ZNF221: variants seen among roughly 807,000 people sequenced by gnomAD.
ZNF221 encodes the protein zinc finger protein 221.
A neutral mutation model predicts 12.6 loss-of-function variants in ZNF221; 10 were observed. The observed-to-expected ratio is 0.79, with a 90% confidence interval of 0.49 to 1.34. ZNF221 has a LOEUF of 1.34. Ranked by LOEUF, ZNF221 falls within the 40% of genes most tolerant of loss-of-function variation. The probability of loss-of-function intolerance (pLI) is 0.00; values close to 1 mark genes in which losing one functional copy is unlikely to be tolerated. For synonymous variants in ZNF221, 232 were observed against 244.0 expected (o/e 0.95, Z 0.46); for missense variants, 661 against 721.4 (o/e 0.92, Z 0.96).
chr19:43,974,528 G>A, the ZNF221 span, among the ~76,000 whole-genome samples: 3 of 151,912 alleles, frequency 2.0e-5, no homozygotes, highest in Non-Finnish European at 2.9e-5. Context: ...GAGCCTACAA[G>A]GAACTTAAAC....
Position 43,967,538 on chromosome 19 carries a change from G to A in ZNF221, c.*182G>A. The stretch of plus-strand genomic sequence containing the variant: ...CTTTCACCCAGGCCTGACTGCAGTG[G>A]CGCTATCTCAGCTCACTGCAAGCTC... On this transcript the variant is annotated 3_prime_UTR_variant, in exon 5 of 5. Transcript: ENST00000587682. 1 of 557,432 alleles carries A rather than the reference G, an allele frequency of 1.8e-6. No homozygotes were observed. The highest frequency in any genetic ancestry group is 3.1e-6 in the Non-Finnish European group (1 of 320,742). The allele number at this position is 557,432 out of a possible 1,614,324, so 34.5% of individuals were successfully genotyped here.
the ZNF221 span, among the ~76,000 whole-genome samples, chr19:43,981,209 AG>A: frequency 6.6e-6 from 1 of 152,266 alleles, no homozygotes; most frequent in African/African-American, 2.4e-5. Context: ...TTAAAAAACA[AG>A]AAATATAAAT....
downstream of ZNF221, among the ~76,000 whole-genome samples, chr19:43,970,652 G>A (rs1358889575): frequency 2.0e-5 from 3 of 152,130 alleles, no homozygotes; most frequent in East Asian, 5.8e-4. Flanking sequence ...AGACCAAGAG[G>A]AGGAAAGAGA....
the ZNF221 span, among the ~76,000 whole-genome samples, chr19:43,976,544 A>T: frequency 1.1e-4 from 17 of 152,140 alleles, no homozygotes; most frequent in South Asian, 2.1e-4. Context: ...CTAAAAAAAA[A>T]TTCCTAATAA....
In ZNF221 at chr19:43,967,492, T is replaced by C; in HGVS notation, c.*136T>C. ...ACATAGATCATATCTTTTTTTTTTT[T>C]TTTTGAGACAGAGTCTCACTCTTTC... On this transcript the variant is annotated 3_prime_UTR_variant, in exon 5 of 5. Transcript: ENST00000587682. 1 of 730,392 alleles carries C rather than the reference T, an allele frequency of 1.4e-6. No homozygotes were observed. The highest frequency in any genetic ancestry group is 2.0e-5 in the South Asian group (1 of 50,276). 45.2% of individuals were successfully genotyped at this position (730,392 alleles called of 1,614,324 possible). A position where few individuals can be genotyped will look rare whatever the true frequency, so the allele number is the denominator to read the frequency against.
At chr19:43,961,244 C>G (rs960146183) in intron 1 of ZNF221, among the ~76,000 whole-genome samples, 1 of 152,252 alleles carries the variant, frequency 6.6e-6, no homozygotes, top group African/African-American at 2.4e-5. Flanking sequence ...CAGCACCTGC[C>G]TCTTCATATG....
At chr19:43,955,325 C>A (rs1974738178) in intron 1 of ZNF221, among the ~76,000 whole-genome samples, 1 of 152,152 alleles carries the variant, frequency 6.6e-6, no homozygotes, top group African/African-American at 2.4e-5. Flanking sequence ...GAACAGTTTT[C>A]ATCTGCATTT....
chr19:43,953,254 A>C (rs1974703406), intron 1 of ZNF221, among the ~76,000 whole-genome samples: 1 of 140,406 alleles, frequency 7.1e-6, no homozygotes, highest in South Asian at 2.1e-4. Context: ...CCCAGTCATT[A>C]AGCTTTTTTT....
chr19:43,979,397 C>G, the ZNF221 span, among the ~76,000 whole-genome samples: 13 of 145,744 alleles, frequency 8.9e-5, no homozygotes, highest in Non-Finnish European at 1.6e-4. Context: ...ACTACAGTCC[C>G]TAGTTATTTA....
chr19:43,953,475 G>A (rs559695538), intron 1 of ZNF221, among the ~76,000 whole-genome samples: 13 of 152,146 alleles, frequency 8.5e-5, no homozygotes, highest in African/African-American at 3.1e-4. Context: ...GCATAGACAC[G>A]ATTGATTAAA....
At chr19:43,970,112 T>C (rs1975064997), downstream of ZNF221, among the ~76,000 whole-genome samples, 1 of 152,070 alleles carries the variant, frequency 6.6e-6, no homozygotes, top group Non-Finnish European at 1.5e-5. Flanking sequence ...CACCTCCAGG[T>C]ACGGGAAAAA....
the ZNF221 span, among the ~76,000 whole-genome samples, chr19:43,978,921 T>TTGTGTGTGTGTG: frequency 1.6e-5 from 2 of 128,972 alleles, no homozygotes; most frequent in East Asian, 2.3e-4. Context: ...GCCACAACAT[T>TTGTGTGTGTGTG]TGTGTGTGTG....
At chr19:43,960,487 A>G (rs115544745) in intron 1 of ZNF221, 1 of 152,382 alleles carries the variant, frequency 6.6e-6, no homozygotes, top group African/African-American at 2.4e-5. Context: ...CATGACTAAC[A>G]GAAAGCCAAG....
At position 43,966,299 on chromosome 19, in the gene ZNF221, G is replaced by C. The variant is rs756113404; in HGVS notation, c.797G>C (p.Arg266Thr). The change falls in exon 5 of 5, where the codon AGA (arginine) becomes ACA (threonine). Residue 266 changes from arginine to threonine, a missense_variant. Transcript: ENST00000587682. ...CAATGTGGGAAAGGCTTCCATAGTA[G>C]ATCAGCACTTAATGTTCATTGCAAA... ...CGQCGKGFHS[R>T]SALNVHCKLH... The C allele has an allele frequency of 9.3e-6, 15 of 1,613,336 alleles. No individual in the cohort carries two copies. Among genetic ancestry groups the C allele is most frequent in the Non-Finnish European group, 1.3e-5 (15 of 1,179,306 alleles).
intron 1 of ZNF221, among the ~76,000 whole-genome samples, chr19:43,959,254 C>T (rs1426696018): frequency 6.6e-6 from 1 of 152,174 alleles, no homozygotes; most frequent in East Asian, 1.9e-4. Flanking sequence ...CTTGGTTTTA[C>T]CCTTCCCATA....
rs547798726 is a variant in ZNF221 at position 43,953,951 on chromosome 19, A to G, written c.-3+2551A>G. 2.6e-5 allele frequency among the ~76,000 whole-genome samples: 4 copies of G among 152,112 alleles called. No individual in the cohort carries two copies. The South Asian group carries it at 8.3e-4, about 32-fold the overall frequency. ...TAGAAAATTAGCCAGGTATGGTGGC[A>G]CATGCCTGTAGTCCCAGCTACTCGG... On this transcript the variant is annotated intron_variant, in intron 1 of 4. Transcript: ENST00000587682.
intron 1 of ZNF221, chr19:43,961,687 T>C (rs2147339228): frequency 6.6e-6 from 1 of 152,344 alleles, no homozygotes; most frequent in East Asian, 1.9e-4. Flanking sequence ...TGCTTTTAGG[T>C]GTCACATTTC....
At chr19:43,979,707 T>G in the ZNF221 span, among the ~76,000 whole-genome samples, 1 of 152,236 alleles carries the variant, frequency 6.6e-6, no homozygotes, top group Non-Finnish European at 1.5e-5. Flanking sequence ...TTCCTTGCAA[T>G]AAATCATTTG....
At chr19:43,981,558 A>G in the ZNF221 span, among the ~76,000 whole-genome samples, 1 of 152,234 alleles carries the variant, frequency 6.6e-6, no homozygotes, top group Non-Finnish European at 1.5e-5. Flanking sequence ...ACTGTTATAT[A>G]AACCACTCAA....
Sources: allele counts gnomAD v4.1 joint callset (sites outside exome capture counted in the v4.1 genomes callset), GRCh38; gene constraint gnomAD v4.1.1; transcripts MANE v1.5; gene names NCBI Gene and HGNC (gene_info 2026-07-23, HGNC 2026-07-21).